Variants in BRF1 observed in about 807,000 individuals in gnomAD.
BRF1 encodes the protein transcription factor IIIB 90 kDa subunit.
Under a neutral mutation model 81.7 loss-of-function variants are expected in BRF1, and 59 were observed. The observed-to-expected ratio is 0.72, with a 90% CI of 0.59 to 0.90. The LOEUF (loss-of-function observed/expected upper bound fraction) is 0.90. BRF1 is among the 40% of genes least tolerant of loss of function. BRF1 has a pLI of 0.00. For synonymous variants in BRF1, 491 were observed against 395.6 expected (o/e 1.24, Z -2.86); for missense variants, 1,050 against 936.3 (o/e 1.12, Z -1.58).
chr14:105,300,441 C>G lies in BRF1; in HGVS notation c.184+5G>C. ...ATCCGCGCAGCGCCAGCCCGCGGGACTCACCGTCCAGGGACACGAACTGGC... is the reference window on the plus strand; with the variant it reads ...ATCCGCGCAGCGCCAGCCCGCGGGAGTCACCGTCCAGGGACACGAACTGGC... On this transcript the variant is annotated splice_donor_5th_base_variant and intron_variant, in intron 1 of 17. Coordinates refer to ENST00000547530, the MANE Select transcript of BRF1 (RefSeq NM_001519.4). 1 of 1,521,572 alleles carries G rather than the reference C, an allele frequency of 6.6e-7. No individual in the cohort carries two copies. Among genetic ancestry groups the G allele is most frequent in the East Asian group, 2.5e-5 (1 of 39,450 alleles). 94.3% of individuals were successfully genotyped at this position (1,521,572 alleles called of 1,614,324 possible). A position where few individuals can be genotyped will look rare whatever the true frequency, so the allele number is the denominator to read the frequency against.
chr14:105,253,346 G>A (rs1403948386), intron 4 of BRF1, among the ~76,000 whole-genome samples: 2 of 152,202 alleles, frequency 1.3e-5, no homozygotes, highest in Non-Finnish European at 2.9e-5. Flanking sequence ...GGTCCCTACT[G>A]GAGCCTGCAA....
At chr14:105,273,724 G>A (rs1167149255) in intron 2 of BRF1, among the ~76,000 whole-genome samples, 1 of 152,194 alleles carries the variant, frequency 6.6e-6, no homozygotes, top group Non-Finnish European at 1.5e-5. Context: ...CTTGGTAAAA[G>A]TCATCGCCAT....
chr14:105,249,883 C>T (rs1304687988), intron 5 of BRF1: 2 of 1,611,910 alleles, frequency 1.2e-6, no homozygotes, highest in South Asian at 2.2e-5. Context: ...GGTCCGAAGG[C>T]TTCTGTGAGA....
intron 3 of BRF1, among the ~76,000 whole-genome samples, chr14:105,264,249 T>C (rs1305468080): frequency 1.3e-5 from 2 of 151,970 alleles, no homozygotes; most frequent in African/African-American, 4.8e-5. Context: ...GGCAGGAGAA[T>C]AGCTTCTGCC....
At chr14:105,304,876 C>T (rs587745875), upstream of BRF1, among the ~76,000 whole-genome samples, 20 of 152,316 alleles carry the variant, frequency 1.3e-4, no homozygotes, top group East Asian at 2.9e-3. Flanking sequence ...AAGAACAGCA[C>T]GGGAAAGACC....
At position 105,217,743 on chromosome 14, in the gene BRF1, T is replaced by C. The variant is rs764418659; in HGVS notation, c.1573A>G (p.Ile525Val). Residue 525 changes from isoleucine to valine, a missense_variant, in exon 15 of 18, where the codon ATC becomes GTC. Coordinates refer to ENST00000547530, the MANE Select transcript of BRF1 (RefSeq NM_001519.4). ...PIQASTAREA[I>V]EKMLEQKKIS... is the part of the protein sequence containing the mutation. ...TTCTTCTGCTCCAGCATCTTCTCGA[T>C]GGCCTCCCTGGCGGTACTGGCCTGA... 1 of 1,613,424 alleles carries C rather than the reference T, an allele frequency of 6.2e-7. No homozygotes were observed. The highest frequency in any genetic ancestry group is 8.5e-7 in the Non-Finnish European group (1 of 1,180,014).
chr14:105,244,515 A>AGG (rs111274758), intron 5 of BRF1, among the ~76,000 whole-genome samples: 30,829 of 151,928 alleles, frequency 0.2, 3,766 homozygotes, highest in Middle Eastern at 0.27. Context: ...GTGGAGGAGG[A>AGG]AGTGGTGGGC....
At chr14:105,265,680 G>A in intron 3 of BRF1, among the ~76,000 whole-genome samples, 1 of 152,112 alleles carries the variant, frequency 6.6e-6, no homozygotes. Context: ...GATGGATCAC[G>A]AGGTCAGGAG....
At chr14:105,226,844 C>G in intron 7 of BRF1, 84 bp from the exon 8 acceptor site, 2 of 1,592,076 alleles carry the variant, frequency 1.3e-6, no homozygotes, top group Non-Finnish European at 1.7e-6. Flanking sequence ...GGGCGTGGCT[C>G]ATGCCTGTGA....
At chr14:105,212,618 C>T (rs1384776682) in intron 15 of BRF1, 1 of 163,224 alleles carries the variant, frequency 6.1e-6, no homozygotes, top group Non-Finnish European at 1.3e-5. Context: ...CCGCCACACA[C>T]AAAGGCCAAA....
At chr14:105,214,874 C>CTTTTTCCTCACCCG (rs1460918206) in intron 15 of BRF1, among the ~76,000 whole-genome samples, 1 of 152,156 alleles carries the variant, frequency 6.6e-6, no homozygotes, top group African/African-American at 2.4e-5. Context: ...GTCCAAATCC[C>CTTTTTCCTCACCCG]TTTTTCCTCA....
chr14:105,310,921 A>G (rs1320803787), intron 1 of BRF1, among the ~76,000 whole-genome samples: 2 of 152,228 alleles, frequency 1.3e-5, no homozygotes, highest in African/African-American at 4.8e-5. Flanking sequence ...TAACATGTAA[A>G]TACATACTGC....
chr14:105,228,678 C>A (rs587685823), intron 7 of BRF1, 142 bp downstream of exon 7: 6 of 880,136 alleles, frequency 6.8e-6, no homozygotes, highest in African/African-American at 6.7e-5. Context: ...CATAGTGTGA[C>A]CGGGGCTGGG....
intron 5 of BRF1, chr14:105,247,105 C>A (rs971623124): frequency 1.0e-6 from 1 of 985,346 alleles, no homozygotes; most frequent in African/African-American, 1.7e-5. Flanking sequence ...GGGACAGAAA[C>A]CACGGCCACA....
At position 105,210,561 on chromosome 14, in the gene BRF1, T is replaced by TCA; in HGVS notation, c.2023_2024insTG (p.Asp675ValfsTer12). The TCA allele has an allele frequency of 6.2e-7, 1 of 1,611,368 alleles. No homozygotes were observed. Among genetic ancestry groups the TCA allele is most frequent in the Non-Finnish European group, 8.5e-7 (1 of 1,179,870 alleles). The stretch of plus-strand genomic sequence containing the variant: ...CCTGGAGGCCACACTTCAGTAGCCG[T>TCA]CGTCCTCATCGCCATCACAGCCATA... On this transcript the variant is annotated frameshift_variant, in exon 18 of 18. Coordinates refer to ENST00000547530, the MANE Select transcript of BRF1 (RefSeq NM_001519.4). LOFTEE classifies it high-confidence loss of function. This position sits in a 1 kb window ranked among gnomAD's most constrained non-coding sequence, Gnocchi z 4.7.
chr14:105,298,769 C>T (rs1356454500), intron 1 of BRF1, among the ~76,000 whole-genome samples: 3 of 151,766 alleles, frequency 2.0e-5, no homozygotes, highest in Non-Finnish European at 4.4e-5. Flanking sequence ...GCACGAGAAT[C>T]ACTTGAACCT....
intron 15 of BRF1, among the ~76,000 whole-genome samples, chr14:105,215,174 C>T (rs1163580138): frequency 6.6e-6 from 1 of 152,200 alleles, no homozygotes; most frequent in Admixed American, 6.5e-5. Flanking sequence ...CACAGACTCA[C>T]AGATGCACAC....
At chr14:105,246,784 G>C (rs1003323060) in intron 5 of BRF1, 4 of 981,952 alleles carry the variant, frequency 4.1e-6, no homozygotes, top group Non-Finnish European at 4.8e-6. Context: ...AAAAATCAAA[G>C]TGCAAAGGGT....
At chr14:105,255,207 T>C (rs2055811645) in intron 4 of BRF1, among the ~76,000 whole-genome samples, 1 of 152,256 alleles carries the variant, frequency 6.6e-6, no homozygotes, top group Non-Finnish European at 1.5e-5. Flanking sequence ...CATACTCATC[T>C]TCCCTGGGAA....
Sources: gnomAD v4.1 joint callset for allele counts (sites outside exome capture counted in the v4.1 genomes callset) on GRCh38, gnomAD v4.1.1 for gene constraint, Gnocchi (gnomAD v3.1) non-coding constraint, MANE v1.5 for transcripts, NCBI Gene and HGNC (gene_info 2026-07-23, HGNC 2026-07-21) for gene names.